Variants in SMYD3 observed in about 807,000 individuals in gnomAD.
SMYD3 encodes the protein SET and MYND domain containing 3.
In SMYD3, 36 loss-of-function variants were observed where a neutral mutation model predicts 57.7. The observed-to-expected ratio is 0.62, with a 90% confidence interval of 0.48 to 0.82. SMYD3 has a LOEUF of 0.82. Among genes scored for constraint, SMYD3 ranks in the 40% least tolerant of loss-of-function variants. The probability of loss-of-function intolerance (pLI) is 0.00; values close to 1 mark genes in which losing one functional copy is unlikely to be tolerated. For synonymous variants in SMYD3, 211 were observed against 195.0 expected, an observed-to-expected ratio of 1.08 and a Z score of -0.68; for missense variants, 515 against 538.8, an observed-to-expected ratio of 0.96 and a Z score of 0.44.
At position 246,507,152 on chromosome 1, in the gene SMYD3, G is replaced by T. The variant is rs1340006284; in HGVS notation, c.66C>A (p.Thr22=). 1 of 1,533,090 alleles carries T rather than the reference G, an allele frequency of 6.5e-7. No homozygotes were observed. The highest frequency in any genetic ancestry group is 8.8e-7 in the Non-Finnish European group (1 of 1,140,078). The allele number at this position is 1,533,090 out of a possible 1,614,324, so 95.0% of individuals were successfully genotyped here. A position where few individuals can be genotyped will look rare whatever the true frequency, so the allele number is the denominator to read the frequency against. ...AGAGTAGCTCTCCGGGGCGCAGCGG[G>T]GTCACGGCGCGCAGCCCGTTTCCCC... The part of the protein sequence containing the change: ...AKRGNGLRAV[T]PLRPGELLFR... The change falls in exon 1 of 12, where the codon ACC becomes ACA. Residue 22 remains threonine, a synonymous_variant. Coordinates refer to ENST00000490107, the MANE Select transcript of SMYD3 (RefSeq NM_001167740.2).
intron 1 of SMYD3, among the ~76,000 whole-genome samples, chr1:246,409,180 A>G (rs1170492264): frequency 6.6e-6 from 1 of 152,182 alleles, no homozygotes; most frequent in African/African-American, 2.4e-5. Context: ...CTTTAGTTCA[A>G]TTAGATCCCA....
intron 5 of SMYD3, among the ~76,000 whole-genome samples, chr1:246,239,421 A>G (rs898754953): frequency 6.6e-6 from 1 of 152,194 alleles, no homozygotes; most frequent in Non-Finnish European, 1.5e-5. Context: ...TACAAAGGAC[A>G]TGAACTCATC....
At chr1:246,058,401 C>G (rs2060190435) in intron 5 of SMYD3, among the ~76,000 whole-genome samples, 1 of 152,114 alleles carries the variant, frequency 6.6e-6, no homozygotes, top group Admixed American at 6.6e-5. Context: ...CCTAAATTTG[C>G]TCTTCAAAAA....
intron 8 of SMYD3, among the ~76,000 whole-genome samples, chr1:245,873,673 G>A (rs750223843): frequency 1.3e-5 from 2 of 152,222 alleles, no homozygotes; most frequent in Non-Finnish European, 2.9e-5. Context: ...AGCTGCCGCA[G>A]AACAGATTCA....
chr1:245,987,991 A>T (rs916158291), intron 5 of SMYD3, among the ~76,000 whole-genome samples: 3 of 152,232 alleles, frequency 2.0e-5, no homozygotes, highest in Non-Finnish European at 4.4e-5. Context: ...CTGTATTTTT[A>T]TAATGCTCTG....
At chr1:245,959,829 A>AGTATG (rs1306840215) in intron 5 of SMYD3, among the ~76,000 whole-genome samples, 3 of 152,102 alleles carry the variant, frequency 2.0e-5, no homozygotes, top group African/African-American at 7.2e-5. Context: ...CCCAGGCTGT[A>AGTATG]GTATGGTAGT....
At chr1:246,180,207 C>CAT (rs913700817) in intron 5 of SMYD3, among the ~76,000 whole-genome samples, 8 of 146,952 alleles carry the variant, frequency 5.4e-5, no homozygotes, top group African/African-American at 2.0e-4. Flanking sequence ...TATATATACA[C>CAT]ATATATTAGA....
At chr1:245,921,058 C>T (rs778981097) in intron 7 of SMYD3, among the ~76,000 whole-genome samples, 15 of 152,152 alleles carry the variant, frequency 9.9e-5, no homozygotes, top group Non-Finnish European at 2.1e-4. Context: ...GTCTAATACC[C>T]AGAATCTATA....
chr1:246,125,077 A>ACACACACACACACACACACACACACACAC (rs1553295580), intron 5 of SMYD3, among the ~76,000 whole-genome samples: 12 of 104,246 alleles, frequency 1.2e-4, no homozygotes, highest in African/African-American at 3.3e-4. Flanking sequence ...GTCTCAAAAA[A>ACACACACACACACACACACACACACACAC]AAAAAAAAAA....
chr1:246,429,780 G>A (rs2067273085), intron 1 of SMYD3, among the ~76,000 whole-genome samples: 1 of 151,972 alleles, frequency 6.6e-6, no homozygotes, highest in South Asian at 2.1e-4. Context: ...TCAAGGATAT[G>A]ACTGGCAAGT....
chr1:246,091,243 C>G (rs1573008009), intron 5 of SMYD3, among the ~76,000 whole-genome samples: 1 of 152,176 alleles, frequency 6.6e-6, no homozygotes, highest in Admixed American at 6.5e-5. Context: ...TCGCTTGAAG[C>G]TGGAAGAGGT....
chr1:245,875,420 A>G (rs1372559882), intron 8 of SMYD3, among the ~76,000 whole-genome samples: 1 of 152,152 alleles, frequency 6.6e-6, no homozygotes, highest in East Asian at 1.9e-4. Context: ...ATATTCAACT[A>G]TATACTCAGA....
chr1:246,045,728 C>T (rs1261389059), intron 5 of SMYD3, among the ~76,000 whole-genome samples: 3 of 152,144 alleles, frequency 2.0e-5, no homozygotes, highest in African/African-American at 4.8e-5. Flanking sequence ...TTATAATCTA[C>T]CCATTTGACA....
At chr1:246,390,430 G>GA (rs2066542155) in intron 1 of SMYD3, among the ~76,000 whole-genome samples, 1 of 151,956 alleles carries the variant, frequency 6.6e-6, no homozygotes, top group Non-Finnish European at 1.5e-5. Flanking sequence ...GCAGAATGGG[G>GA]AGGGATGAAG....
chr1:246,186,858 G>A (rs2062649222), intron 5 of SMYD3: 11 of 985,322 alleles, frequency 1.1e-5, no homozygotes, highest in Non-Finnish European at 1.3e-5. Context: ...CCACATCACA[G>A]GCACAGTTAC....
chr1:246,239,437 T>G (rs544224730), intron 5 of SMYD3, among the ~76,000 whole-genome samples: 1 of 152,356 alleles, frequency 6.6e-6, no homozygotes, highest in South Asian at 2.1e-4. Context: ...TCATCATTTT[T>G]TATGGCTGCA....
chr1:246,052,828 G>A (rs2060085459), intron 5 of SMYD3: 2 of 152,190 alleles, frequency 1.3e-5, no homozygotes, highest in South Asian at 4.1e-4. Context: ...AAGTAATTAT[G>A]GGAGATTAAG....
chr1:246,051,720 T>C (rs2060070759), intron 5 of SMYD3, among the ~76,000 whole-genome samples: 1 of 152,162 alleles, frequency 6.6e-6, no homozygotes, highest in South Asian at 2.1e-4. Flanking sequence ...CATTAGATGT[T>C]TTATTTCCCA....
chr1:246,060,120 T>G (rs1208878704), intron 5 of SMYD3, among the ~76,000 whole-genome samples: 1 of 151,618 alleles, frequency 6.6e-6, no homozygotes, highest in Non-Finnish European at 1.5e-5. Flanking sequence ...AGACCTTGTC[T>G]CTACTAAAAG....
Sources: gnomAD v4.1 joint callset for allele counts (sites outside exome capture counted in the v4.1 genomes callset) on GRCh38, gnomAD v4.1.1 for gene constraint, MANE v1.5 for transcripts, NCBI Gene and HGNC (gene_info 2026-07-23, HGNC 2026-07-21) for gene names.